The following BRCA1 variants were observed in gnomAD, a reference collection of about 807,000 sequenced individuals.
BRCA1 encodes BRCA1 DNA repair associated.
In BRCA1, 140 loss-of-function variants were observed where a neutral mutation model predicts 173.7. That is an observed-to-expected ratio of 0.81 (90% confidence interval 0.70 to 0.93). The LOEUF (loss-of-function observed/expected upper bound fraction) is 0.93. Among genes scored for constraint, BRCA1 ranks in the 40% least tolerant of loss-of-function variants. The probability of loss-of-function intolerance (pLI) is 0.00; values close to 1 mark genes in which losing one functional copy is unlikely to be tolerated. For missense variants in BRCA1, 1,983 were observed against 2,172.5 expected (o/e 0.91, Z 1.73); for synonymous variants, 662 against 756.0 (o/e 0.88, Z 2.04).
At position 43,100,678 on chromosome 17, in the gene BRCA1, A is replaced by ATATAT. The variant is rs1491277616; in HGVS notation, c.442-799_442-798insATATA. ...ATAACATATATATATATATATATAT[A>ATATAT]ATATATATATATATATATATATATG... is the stretch of plus-strand genomic sequence containing the variant. On this transcript the variant is annotated intron_variant, in intron 6 of 22. Coordinates refer to ENST00000357654, the MANE Select transcript of BRCA1 (RefSeq NM_007294.4). Among the ~76,000 whole-genome samples, 23 of 36,256 alleles carry ATATAT rather than the reference A, an allele frequency of 6.3e-4. 1 individual carries two copies. Among genetic ancestry groups the ATATAT allele is most frequent in the Admixed American group, 1.1e-3 (2 of 1,846 alleles). The allele number at this position is 36,256 out of a possible 152,430, so 23.8% of individuals were successfully genotyped here.
At chr17:43,099,746 T>C (rs2054286686) in intron 7 of BRCA1, 29 bp downstream of exon 7, 1 of 1,534,780 alleles carries the variant, frequency 6.5e-7, no homozygotes, top group South Asian at 1.1e-5. Flanking sequence ...CAATTATTAT[T>C]AAATACTTAA....
Position 43,093,328 on chromosome 17 carries a change from G to C in BRCA1, c.2203C>G (p.Leu735Val), listed in dbSNP as rs587781781. Residue 735 changes from leucine (L) to valine (V), a missense_variant, in exon 10 of 23, where the codon CTA (leucine) becomes GTA (valine). Leu to Val is a conservative substitution (Grantham distance 32). Transcript: ENST00000357654. ...SLPREEKEEK[L>V]ETVKVSNNAE... ...TTATTAGACACTTTAACTGTTTCTA[G>C]TTTCTCTTCTTTTTCTTCTCTTGGA... 2 of 1,613,500 alleles carry C rather than the reference G, an allele frequency of 1.2e-6. No individual in the cohort carries two copies. The highest frequency in any genetic ancestry group is 1.7e-6 in the Non-Finnish European group (2 of 1,179,864).
At chr17:43,135,335 G>C (rs2056009525) in intron 1 of BRCA1, among the ~76,000 whole-genome samples, 1 of 152,244 alleles carries the variant, frequency 6.6e-6, no homozygotes, top group African/African-American at 2.4e-5. Context: ...AGGCCTGCAA[G>C]AACTTTCTTC....
At chr17:43,159,452 T>G (rs55874139) in intron 1 of BRCA1, 50,617 of 162,604 alleles carry the variant, frequency 0.31, 8,319 homozygotes, top group South Asian at 0.47. Context: ...GCTGCCGGGC[T>G]GAGACGCTCC....
rs775525479 is a variant in BRCA1 at position 43,106,549 on chromosome 17, A to G, written c.135-16T>C. On this transcript the variant is annotated splice_polypyrimidine_tract_variant and intron_variant, in intron 3 of 22. Coordinates refer to ENST00000357654, the MANE Select transcript of BRCA1 (RefSeq NM_007294.4). Reference sequence around the variant, plus strand: ...CATGCAAAATCTATAAATTATAAAGAAAGAAAGAACAATTTAATTTACTTC... The same window carrying G: ...CATGCAAAATCTATAAATTATAAAGGAAGAAAGAACAATTTAATTTACTTC... 2 of 1,546,082 alleles carry G rather than the reference A, an allele frequency of 1.3e-6. No homozygotes were observed. The highest frequency in any genetic ancestry group is 1.1e-5 in the South Asian group (1 of 88,494).
intron 20 of BRCA1, chr17:43,050,032 A>G (rs1166346080): frequency 2.5e-6 from 1 of 398,500 alleles, no homozygotes; most frequent in Admixed American, 4.4e-5. Context: ...TCCAATTGAT[A>G]ACTAATAAAG....
At chr17:43,168,217 T>C (rs2056280544) in intron 1 of BRCA1, 1 of 426,232 alleles carries the variant, frequency 2.3e-6, no homozygotes, top group Non-Finnish European at 4.8e-6. Context: ...GGACATTTTG[T>C]ACTTCTTCAA....
chr17:43,149,213 C>T (rs1302202042), intron 1 of BRCA1, among the ~76,000 whole-genome samples: 1 of 151,644 alleles, frequency 6.6e-6, no homozygotes, highest in Non-Finnish European at 1.5e-5. Flanking sequence ...ATTCTCCTGC[C>T]TCAGCCTCCC....
chr17:43,122,988 CAG>C (rs1191666796), intron 2 of BRCA1, among the ~76,000 whole-genome samples: 1 of 151,476 alleles, frequency 6.6e-6, no homozygotes, highest in East Asian at 1.9e-4. Context: ...ACCCGGGAGG[CAG>C]AGTTTGCAGT....
chr17:43,119,720 A>G (rs2055462141), intron 2 of BRCA1, among the ~76,000 whole-genome samples: 1 of 152,236 alleles, frequency 6.6e-6, no homozygotes, highest in Non-Finnish European at 1.5e-5. Context: ...TATTTCTGAG[A>G]TAAGCTACAT....
In BRCA1 at chr17:43,084,010, AC is replaced by A. The variant is rs377064695; in HGVS notation, c.4186-1436del. On this transcript the variant is annotated intron_variant, in intron 11 of 22. Coordinates refer to ENST00000357654, the MANE Select transcript of BRCA1 (RefSeq NM_007294.4). ...CTCTCAAGTAGCTGGGATTACAGGC[AC>A]CTGTTACCATGCCCGACTAATTTTT... 3.3e-4 allele frequency among the ~76,000 whole-genome samples: 48 copies of A among 146,260 alleles called. 1 individual carries two copies. Among genetic ancestry groups the A allele is most frequent in the African/African-American group, 1.2e-3 (48 of 39,568 alleles).
At chr17:43,168,181 C>A in intron 1 of BRCA1, 1 of 408,594 alleles carries the variant, frequency 2.4e-6, no homozygotes, top group East Asian at 8.3e-5. Flanking sequence ...AGATTGGACA[C>A]TGTAAGATTT....
chr17:43,169,278 A>T (rs2056297814), intron 1 of BRCA1, among the ~76,000 whole-genome samples: 1 of 152,110 alleles, frequency 6.6e-6, no homozygotes, highest in Non-Finnish European at 1.5e-5. Context: ...TCCTGGGTTC[A>T]AGCGATTCTC....
intron 1 of BRCA1, chr17:43,138,697 C>T (rs758220033): frequency 2.6e-6 from 2 of 779,310 alleles, no homozygotes; most frequent in East Asian, 4.8e-5. Flanking sequence ...GCTCCCTTGC[C>T]AGCAGGGTGC....
At position 43,049,212 on chromosome 17, in the gene BRCA1, A is replaced by T. The variant is rs1555575227; in HGVS notation, c.5333-18T>A. ...CAGTTGATCTAAAATGGACATTTAG[A>T]TGTAAAATCACTGCAGTAATCTGCA... is the stretch of plus-strand genomic sequence containing the variant. On this transcript the variant is annotated intron_variant, in intron 20 of 22. Transcript: ENST00000357654. 1 of 1,611,392 alleles carries T rather than the reference A, an allele frequency of 6.2e-7. No individual in the cohort carries two copies. The highest frequency in any genetic ancestry group is 8.5e-7 in the Non-Finnish European group (1 of 1,177,498).
intron 1 of BRCA1, among the ~76,000 whole-genome samples, chr17:43,146,870 T>C (rs1009791391): frequency 2.0e-5 from 3 of 152,176 alleles, no homozygotes; most frequent in African/African-American, 7.2e-5. Flanking sequence ...GCCAAGGTTT[T>C]GACTCTTGAA....
At chr17:43,060,090 G>A (rs1008304604) in intron 18 of BRCA1, among the ~76,000 whole-genome samples, 1 of 151,788 alleles carries the variant, frequency 6.6e-6, no homozygotes, top group Non-Finnish European at 1.5e-5. Flanking sequence ...TTGTTTTTGA[G>A]ATGGAGTTTC....
chr17:43,044,773 A>G lies in BRCA1; in HGVS notation c.*905T>C. 1 of 474,706 alleles carries G rather than the reference A, an allele frequency of 2.1e-6. No individual in the cohort carries two copies. The highest frequency in any genetic ancestry group is 4.1e-6 in the Non-Finnish European group (1 of 246,476). The allele number at this position is 474,706 out of a possible 1,614,324, so 29.4% of individuals were successfully genotyped here. ...TAGAAATCTAGCAAATATATCTCAGACTTTTAGAAATCTCTTCTAGTTTCA... is the reference window on the plus strand; with the variant it reads ...TAGAAATCTAGCAAATATATCTCAGGCTTTTAGAAATCTCTTCTAGTTTCA... On this transcript the variant is annotated 3_prime_UTR_variant, in exon 23 of 23. Transcript: ENST00000357654.
At chr17:43,105,512 G>T (rs944244219) in intron 4 of BRCA1, among the ~76,000 whole-genome samples, 1 of 152,126 alleles carries the variant, frequency 6.6e-6, no homozygotes, top group East Asian at 1.9e-4. Flanking sequence ...GAGTGCTAGG[G>T]TTATAGGCAT....
Sources: gnomAD v4.1 joint callset for allele counts (sites outside exome capture counted in the v4.1 genomes callset) on GRCh38, gnomAD v4.1.1 for gene constraint, MANE v1.5 for transcripts, NCBI Gene and HGNC (gene_info 2026-07-23, HGNC 2026-07-21) for gene names.